SOX5: variants seen among roughly 807,000 people sequenced by gnomAD.
SOX5 encodes SRY-box transcription factor 5.
SOX5 carries 9 observed loss-of-function variants against 92.0 expected under a neutral mutation model. The ratio of observed to expected loss-of-function variants is 0.10; its 90% CI spans 0.06 to 0.17. The LOEUF (loss-of-function observed/expected upper bound fraction) is 0.17. SOX5 is among the 10% of genes least tolerant of loss of function. The probability of loss-of-function intolerance (pLI) is 1.00; values close to 1 mark genes in which losing one functional copy is unlikely to be tolerated. For synonymous variants in SOX5, 344 were observed against 336.3 expected, an observed-to-expected ratio of 1.02 and a Z score of -0.25; for missense variants, 642 against 944.5, an observed-to-expected ratio of 0.68 and a Z score of 4.20.
At chr12:23,674,825 T>C (rs539532872) in intron 6 of SOX5, among the ~76,000 whole-genome samples, 2 of 151,942 alleles carry the variant, frequency 1.3e-5, no homozygotes, top group South Asian at 4.1e-4. Context: ...ATGTAATATA[T>C]ATACTACTAT....
chr12:23,996,682 T>C lies in SOX5; in HGVS notation c.-1-100658A>G, dbSNP rs112430079. On this transcript the variant is annotated intron_variant, in intron 4 of 4. Coordinates refer to the SOX5 transcript ENST00000446891. Reference sequence around the variant, plus strand: ...CAATGTACATGAGCCTCCAAAGCACTATGCTAAGTGAAAGAAACATGTGAT... The same window carrying C: ...CAATGTACATGAGCCTCCAAAGCACCATGCTAAGTGAAAGAAACATGTGAT... 2.5e-3 allele frequency among the ~76,000 whole-genome samples: 381 copies of C among 152,338 alleles called. 7 individuals are homozygous for C. In the South Asian group the frequency reaches 0.033, roughly 13 times the overall value.
At chr12:24,292,352 A>T (rs1402406724) in intron 2 of SOX5, among the ~76,000 whole-genome samples, 1 of 152,232 alleles carries the variant, frequency 6.6e-6, no homozygotes, top group Non-Finnish European at 1.5e-5. Context: ...TATTTATTTG[A>T]AAATCTATTT....
At chr12:23,651,542 A>G (rs1232074017) in intron 7 of SOX5, among the ~76,000 whole-genome samples, 1 of 152,118 alleles carries the variant, frequency 6.6e-6, no homozygotes, top group African/African-American at 2.4e-5. Flanking sequence ...CTTGCCTTCA[A>G]AACACTTTCA....
intron 4 of SOX5, among the ~76,000 whole-genome samples, chr12:24,040,810 G>A (rs1396200777): frequency 1.3e-5 from 2 of 151,970 alleles, no homozygotes; most frequent in East Asian, 1.9e-4. Flanking sequence ...GAGGCGGAGC[G>A]TGCAGTGAGC....
At chr12:24,096,919 A>C (rs1945489460) in intron 4 of SOX5, among the ~76,000 whole-genome samples, 1 of 152,020 alleles carries the variant, frequency 6.6e-6, no homozygotes, top group South Asian at 2.1e-4. Flanking sequence ...CCATATGGTA[A>C]TTTTTGTGTT....
chr12:24,288,835 C>T (rs1308799248), intron 2 of SOX5, among the ~76,000 whole-genome samples: 1 of 151,770 alleles, frequency 6.6e-6, no homozygotes, highest in Non-Finnish European at 1.5e-5. Context: ...GAATTTGGTT[C>T]TCTTTTTACT....
chr12:24,200,720 G>A (rs766807601), intron 4 of SOX5, among the ~76,000 whole-genome samples: 2 of 152,180 alleles, frequency 1.3e-5, no homozygotes, highest in African/African-American at 2.4e-5. Context: ...GGCAGGTATT[G>A]CAGGTGCCAG....
At chr12:24,103,578 A>G (rs1946338858) in intron 4 of SOX5, among the ~76,000 whole-genome samples, 1 of 151,720 alleles carries the variant, frequency 6.6e-6, no homozygotes, top group Admixed American at 6.6e-5. Flanking sequence ...CTTGTCTTGA[A>G]CTCTTGGCCT....
At chr12:23,614,018 C>T (rs2076265923) in intron 8 of SOX5, among the ~76,000 whole-genome samples, 1 of 152,124 alleles carries the variant, frequency 6.6e-6, no homozygotes, top group South Asian at 2.1e-4. Flanking sequence ...GCGCCTGTGT[C>T]CCTCCTCTTC....
Position 24,121,450 on chromosome 12 carries a change from G to A in SOX5, c.-2+91893C>T, listed in dbSNP as rs569806558. Among the ~76,000 whole-genome samples, 7 of 151,930 alleles carry A rather than the reference G, an allele frequency of 4.6e-5. No homozygotes were observed. The South Asian group carries it at 1.5e-3, about 32-fold the overall frequency. The stretch of plus-strand genomic sequence containing the variant: ...AAATGAATTTTGCTGAAACCGAACA[G>A]GAACAAATATCAAATTTATGACGAA... On this transcript the variant is annotated intron_variant, in intron 4 of 4. Coordinates refer to the SOX5 transcript ENST00000446891.
intron 1 of SOX5, among the ~76,000 whole-genome samples, chr12:23,932,728 C>G (rs1431467826): frequency 5.3e-5 from 8 of 151,382 alleles, no homozygotes; most frequent in Non-Finnish European, 1.0e-4. Flanking sequence ...ATTAAATGAA[C>G]ATTTTTTAGG....
At chr12:24,140,929 G>C (rs1950528385) in intron 4 of SOX5, among the ~76,000 whole-genome samples, 1 of 151,946 alleles carries the variant, frequency 6.6e-6, no homozygotes, top group Non-Finnish European at 1.5e-5. Flanking sequence ...ACTCCAAATA[G>C]CACATAGCTA....
intron 3 of SOX5, among the ~76,000 whole-genome samples, chr12:23,783,637 A>G (rs1174183111): frequency 6.6e-5 from 10 of 152,238 alleles, no homozygotes; most frequent in Non-Finnish European, 1.2e-4. Context: ...ATAAAGAAGC[A>G]AAAAGGAAGG....
At chr12:23,746,746 G>T (rs565289665) in intron 4 of SOX5, among the ~76,000 whole-genome samples, 175 of 152,138 alleles carry the variant, frequency 1.2e-3, no homozygotes, top group African/African-American at 4.0e-3. Flanking sequence ...CTCAGCAAAA[G>T]ACATCATGAT....
At chr12:23,915,759 A>G (rs917288381) in intron 1 of SOX5, among the ~76,000 whole-genome samples, 1 of 152,320 alleles carries the variant, frequency 6.6e-6, no homozygotes, top group Middle Eastern at 3.4e-3. Flanking sequence ...CCTTAAAATC[A>G]AGGACAGTAG....
intron 3 of SOX5, among the ~76,000 whole-genome samples, chr12:23,834,826 G>T (rs2096387120): frequency 1.3e-5 from 2 of 151,772 alleles, no homozygotes; most frequent in Admixed American, 1.3e-4. Flanking sequence ...TGTCTGTTGT[G>T]GTTCTAGGAG....
rs183089887 is a variant in SOX5, at chr12:24,346,512, C to T, written c.-174+22051G>A. On this transcript the variant is annotated intron_variant, in intron 2 of 4. Transcript: ENST00000446891. Reference sequence around the variant, plus strand: ...TGTTGCCTAGGCTGGAGTGCAGTGGCGTGATATCAGCTCATTGCAACCTCC... The same window carrying T: ...TGTTGCCTAGGCTGGAGTGCAGTGGTGTGATATCAGCTCATTGCAACCTCC... 4.1e-5 allele frequency among the ~76,000 whole-genome samples: 6 copies of T among 147,744 alleles called. No individual in the cohort carries two copies. The East Asian group carries it at 6.0e-4, about 15-fold the overall frequency.
chr12:24,186,371 C>T (rs924480840), intron 4 of SOX5, among the ~76,000 whole-genome samples: 1 of 152,112 alleles, frequency 6.6e-6, no homozygotes, highest in African/African-American at 2.4e-5. Context: ...AGCCTTTACA[C>T]AAGCCACAAT....
At chr12:24,389,876 C>A (rs771840576) in intron 1 of SOX5, among the ~76,000 whole-genome samples, 1 of 152,274 alleles carries the variant, frequency 6.6e-6, no homozygotes, top group South Asian at 2.1e-4. Flanking sequence ...CATATCATCA[C>A]CAAGACTTGT....
Sources: gnomAD v4.1 joint callset for allele counts (sites outside exome capture counted in the v4.1 genomes callset) on GRCh38, gnomAD v4.1.1 for gene constraint, MANE v1.5 for transcripts, NCBI Gene and HGNC (gene_info 2026-07-23, HGNC 2026-07-21) for gene names.